The following SCFD2 variants were observed in gnomAD, a reference collection of about 807,000 sequenced individuals.
The protein encoded by SCFD2 is sec1 family domain containing 2.
Under a neutral mutation model 58.9 loss-of-function variants are expected in SCFD2, and 54 were observed. The ratio of observed to expected loss-of-function variants is 0.92; its 90% CI spans 0.74 to 1.15. SCFD2 has a LOEUF of 1.15. SCFD2 is among the 50% of genes most tolerant of loss of function. The pLI is 0.00. For synonymous variants in SCFD2, 321 were observed against 335.9 expected (o/e 0.96, Z 0.49); for missense variants, 805 against 836.6 (o/e 0.96, Z 0.47).
At chr4:53,145,623 A>G (rs1170218916) in intron 4 of SCFD2, 41 bp from the exon 5 acceptor site, 15 of 1,573,198 alleles carry the variant, frequency 9.5e-6, no homozygotes, top group Non-Finnish European at 1.3e-5. Flanking sequence ...AATCTTGTAT[A>G]AAGACATAAT....
chr4:53,254,845 AT>A (rs377088317), intron 4 of SCFD2, among the ~76,000 whole-genome samples: 8 of 84,716 alleles, frequency 9.4e-5, no homozygotes, highest in East Asian at 4.8e-4. Flanking sequence ...ATTTTATTTT[AT>A]TTTATTTTAT....
chr4:52,992,431 C>G (rs1721633587), intron 5 of SCFD2, among the ~76,000 whole-genome samples: 1 of 152,256 alleles, frequency 6.6e-6, no homozygotes, highest in Non-Finnish European at 1.5e-5. Flanking sequence ...GAGATTGCAG[C>G]CTCTGCCGGG....
intron 5 of SCFD2, among the ~76,000 whole-genome samples, chr4:53,027,682 G>A (rs1214053614): frequency 6.6e-6 from 1 of 151,914 alleles, no homozygotes; most frequent in Admixed American, 6.6e-5. Context: ...ACAAAAATTT[G>A]CCAGGTGTGG....
chr4:53,283,534 G>A (rs1731570149), intron 3 of SCFD2, among the ~76,000 whole-genome samples: 1 of 151,994 alleles, frequency 6.6e-6, no homozygotes, highest in Non-Finnish European at 1.5e-5. Flanking sequence ...AGTTTTCCAT[G>A]GTTGTACCAA....
At chr4:53,161,528 C>A (rs1248113879) in intron 4 of SCFD2, among the ~76,000 whole-genome samples, 2 of 152,116 alleles carry the variant, frequency 1.3e-5, no homozygotes, top group Admixed American at 1.3e-4. Flanking sequence ...TCAATGGATG[C>A]TCAGTTTAAA....
At chr4:52,876,006 G>A (rs750132608) in intron 8 of SCFD2, among the ~76,000 whole-genome samples, 7 of 151,600 alleles carry the variant, frequency 4.6e-5, no homozygotes, top group African/African-American at 1.2e-4. Flanking sequence ...TTTAGACACC[G>A]TTTGAATGTG....
At chr4:53,132,977 G>A (rs1418009171) in intron 5 of SCFD2, among the ~76,000 whole-genome samples, 4 of 152,174 alleles carry the variant, frequency 2.6e-5, no homozygotes, top group African/African-American at 9.7e-5. Flanking sequence ...AGAATGCAGA[G>A]GTGATAATAA....
intron 3 of SCFD2, among the ~76,000 whole-genome samples, chr4:53,303,713 CA>C (rs1732414076): frequency 6.6e-6 from 1 of 151,804 alleles, no homozygotes; most frequent in South Asian, 2.1e-4. Flanking sequence ...AAATGTCCAG[CA>C]ATGATAGACT....
At chr4:52,915,041 G>T (rs1181799322) in intron 6 of SCFD2, among the ~76,000 whole-genome samples, 2 of 152,290 alleles carry the variant, frequency 1.3e-5, no homozygotes, top group African/African-American at 4.8e-5. Flanking sequence ...ACTGTGTGGT[G>T]GGTCTGGAAG....
intron 4 of SCFD2, among the ~76,000 whole-genome samples, chr4:53,228,096 G>A (rs1327725779): frequency 2.6e-5 from 4 of 152,080 alleles, no homozygotes; most frequent in Non-Finnish European, 4.4e-5. Flanking sequence ...CAGGAACAAG[G>A]ATAGTTCCTA....
At chr4:53,259,877 T>C (rs1294309024) in intron 4 of SCFD2, among the ~76,000 whole-genome samples, 2 of 152,172 alleles carry the variant, frequency 1.3e-5, no homozygotes, top group East Asian at 3.9e-4. Context: ...TTTGTTTGTA[T>C]CATCTATGAT....
intron 2 of SCFD2, among the ~76,000 whole-genome samples, chr4:53,350,586 C>G (rs1355155865): frequency 6.6e-6 from 1 of 152,180 alleles, no homozygotes; most frequent in Non-Finnish European, 1.5e-5. Flanking sequence ...ATAGGACTCC[C>G]AAATTAACTC....
At chr4:53,209,006 G>A (rs891184777) in intron 4 of SCFD2, among the ~76,000 whole-genome samples, 2 of 152,120 alleles carry the variant, frequency 1.3e-5, no homozygotes, top group African/African-American at 2.4e-5. Context: ...ACTTAGGGTA[G>A]AGGATTAAGA....
chr4:53,080,530 G>C (rs1382218367), intron 5 of SCFD2, among the ~76,000 whole-genome samples: 1 of 152,152 alleles, frequency 6.6e-6, no homozygotes, highest in African/African-American at 2.4e-5. Flanking sequence ...TAATTTACAG[G>C]TTCCACTTAC....
At chr4:53,025,395 T>C (rs114340546) in intron 5 of SCFD2, among the ~76,000 whole-genome samples, 1,742 of 152,282 alleles carry the variant, frequency 0.011, 17 homozygotes, top group Middle Eastern at 0.034. Context: ...CCAAACAACA[T>C]AGATACTTCC....
chr4:53,255,315 A>C (rs906759926), intron 4 of SCFD2, among the ~76,000 whole-genome samples: 21 of 152,006 alleles, frequency 1.4e-4, no homozygotes, highest in African/African-American at 4.3e-4. Flanking sequence ...GCAGATAAAC[A>C]AGTGAACAAC....
intron 4 of SCFD2, among the ~76,000 whole-genome samples, chr4:53,262,990 G>A (rs574533917): frequency 8.6e-5 from 13 of 151,994 alleles, no homozygotes; most frequent in South Asian, 4.2e-4. Context: ...GGGTTAATTC[G>A]AAAGCCTTGT....
At chr4:53,256,597 G>A (rs950965091) in intron 4 of SCFD2, among the ~76,000 whole-genome samples, 21 of 152,238 alleles carry the variant, frequency 1.4e-4, no homozygotes, top group African/African-American at 4.3e-4. Context: ...ATTGAGCACT[G>A]AGTGAACGAG....
chr4:53,169,612 C>A (rs1383459165), intron 4 of SCFD2, among the ~76,000 whole-genome samples: 1 of 151,974 alleles, frequency 6.6e-6, no homozygotes, highest in African/African-American at 2.4e-5. Flanking sequence ...TTTTAAGGAG[C>A]CTTTGTATAG....
Sources: gnomAD v4.1 joint callset for allele counts (sites outside exome capture counted in the v4.1 genomes callset) on GRCh38, gnomAD v4.1.1 for gene constraint, MANE v1.5 for transcripts, NCBI Gene and HGNC (gene_info 2026-07-23, HGNC 2026-07-21) for gene names.